RGS12: variants seen among roughly 807,000 people sequenced by gnomAD.
The protein encoded by RGS12 is regulator of G-protein signaling 12.
In RGS12, 66 loss-of-function variants were observed where a neutral mutation model predicts 120.1. The observed-to-expected ratio is 0.55, with a 90% CI of 0.45 to 0.67. RGS12 has a LOEUF of 0.67. RGS12 is among the 30% of genes least tolerant of loss of function. RGS12 has a pLI of 0.00. For synonymous variants in RGS12, 827 were observed against 804.7 expected, an observed-to-expected ratio of 1.03 and a Z score of -0.47; for missense variants, 1,859 against 1,957.7, an observed-to-expected ratio of 0.95 and a Z score of 0.95.
chr4:3,291,842 C>CCCGGCTCCCGGA (rs1246028167), upstream of RGS12, among the ~76,000 whole-genome samples: 4 of 152,224 alleles, frequency 2.6e-5, no homozygotes, highest in African/African-American at 9.7e-5. Flanking sequence ...CCTGTGGCTT[C>CCCGGCTCCCGGA]CCGGCTCCCG....
At chr4:3,338,721 T>A (rs546602520) in intron 2 of RGS12, among the ~76,000 whole-genome samples, 1 of 152,300 alleles carries the variant, frequency 6.6e-6, no homozygotes, top group Admixed American at 6.5e-5. Context: ...GAGGTGGAGA[T>A]GGTGCCCTGG....
chr4:3,357,462 G>T (rs780318099), intron 3 of RGS12, among the ~76,000 whole-genome samples: 3 of 151,974 alleles, frequency 2.0e-5, no homozygotes, highest in Non-Finnish European at 4.4e-5. Context: ...CCAATGTCTT[G>T]AAGAAAACCC....
At position 3,375,236 on chromosome 4, in the gene RGS12, G is replaced by A. The variant is rs151097020; in HGVS notation, c.1999-11180G>A. Among the ~76,000 whole-genome samples, 7 of 150,808 alleles carry A rather than the reference G, an allele frequency of 4.6e-5. No individual in the cohort carries two copies. In the East Asian group the frequency reaches 1.4e-3, roughly 29 times the overall value. ...AACGTTTCCCTGGGCGTGAACTCCAGCCTCATCTCCAGCCCTCATCTCCAG... is the reference window on the plus strand; with the variant it reads ...AACGTTTCCCTGGGCGTGAACTCCAACCTCATCTCCAGCCCTCATCTCCAG... On this transcript the variant is annotated intron_variant, in intron 3 of 17. Transcript: ENST00000336727.
In RGS12 at chr4:3,317,886, G is replaced by GC. The variant is rs1271616702; in HGVS notation, c.1721dup (p.Pro575SerfsTer49). ...GGTCCAGCATCAACTGCGGCACACT[G>GC]CCCCCTCCTATGAGCAAGATCCCCG... On this transcript the variant is annotated frameshift_variant, in exon 2 of 18. Transcript: ENST00000336727. LOFTEE classifies it high-confidence loss of function. 3.1e-6 allele frequency: 5 copies of GC among 1,613,766 alleles called. No homozygotes were observed. Among genetic ancestry groups the GC allele is most frequent in the Non-Finnish European group, 4.2e-6 (5 of 1,179,974 alleles).
chr4:3,409,069 T>G (rs1019664100), intron 4 of RGS12, among the ~76,000 whole-genome samples: 2 of 152,164 alleles, frequency 1.3e-5, no homozygotes, highest in African/African-American at 2.4e-5. Flanking sequence ...CTTGAGTGGG[T>G]CCTGGAGCCT....
intron 4 of RGS12, among the ~76,000 whole-genome samples, chr4:3,393,408 C>G (rs1246796198): frequency 1.3e-5 from 2 of 152,166 alleles, no homozygotes; most frequent in Admixed American, 6.5e-5. Flanking sequence ...TGGGCACTTT[C>G]CCTGCTAGGT....
In RGS12 at chr4:3,317,226, C is replaced by T. The variant is rs759207805; in HGVS notation, c.1056C>T (p.His352=). 1.9e-6 allele frequency: 3 copies of T among 1,614,206 alleles called. No homozygotes were observed. The highest frequency in any genetic ancestry group is 2.2e-5 in the East Asian group (1 of 44,878). ...CAGACTTGTTTAATCACAAGATCCACCAAGGCATTGCTCGGCGGTTTGGGT... is the reference window on the plus strand; with the variant it reads ...CAGACTTGTTTAATCACAAGATCCATCAAGGCATTGCTCGGCGGTTTGGGT... The part of the protein sequence containing the change: ...VDPDLFNHKI[H]QGIARRFGFE... The change falls in exon 2 of 18, where the codon CAC becomes CAT. Residue 352 remains histidine (H), a synonymous_variant. Coordinates refer to ENST00000336727, the MANE Select transcript of RGS12 (RefSeq NM_001394154.1).
chr4:3,368,767 T>G, intron 3 of RGS12, among the ~76,000 whole-genome samples: 1 of 135,676 alleles, frequency 7.4e-6, no homozygotes, highest in Non-Finnish European at 1.6e-5. Flanking sequence ...TGTGTGTGTG[T>G]GGTGGGGTGG....
intron 3 of RGS12, among the ~76,000 whole-genome samples, chr4:3,375,225 C>T (rs955222229): frequency 3.3e-5 from 5 of 152,084 alleles, no homozygotes; most frequent in African/African-American, 1.2e-4. Context: ...TTTCCCTGGG[C>T]GTGAACTCCA....
chr4:3,414,985 TTGCGTGTGAGG>T (rs1722198122), intron 6 of RGS12, 141 bp downstream of exon 6: 5 of 430,904 alleles, frequency 1.2e-5, no homozygotes, highest in Non-Finnish European at 2.0e-5. Flanking sequence ...GTGTGAGAGG[TTGCGTGTGAGG>T]GGCGTGTGAG....
chr4:3,432,292 C>T (rs1179105016), intron 17 of RGS12: 6 of 567,940 alleles, frequency 1.1e-5, no homozygotes, highest in South Asian at 1.5e-4. Context: ...GTGGATTTAC[C>T]GTAATCTACT....
intron 8 of RGS12, 120 bp downstream of exon 8, chr4:3,417,212 A>G (rs569955241): frequency 1.0e-5 from 14 of 1,338,298 alleles, no homozygotes; most frequent in Admixed American, 8.4e-5. Context: ...GTGACGCTCC[A>G]TGCTGGAAAG....
intron 3 of RGS12, among the ~76,000 whole-genome samples, chr4:3,363,000 TG>T (rs539627488): frequency 8.4e-4 from 128 of 151,656 alleles, no homozygotes; most frequent in Non-Finnish European, 1.5e-3. Flanking sequence ...TGTGTGAGAG[TG>T]TGCACGTCTG....
chr4:3,416,031 C>T lies in RGS12; in HGVS notation c.2337C>T (p.Thr779=), dbSNP rs1385898721. 3 of 1,613,912 alleles carry T rather than the reference C, an allele frequency of 1.9e-6. No individual in the cohort carries two copies. Among genetic ancestry groups the T allele is most frequent in the Non-Finnish European group, 1.7e-6 (2 of 1,179,964 alleles). Residue 779 remains threonine (T), a synonymous_variant, in exon 7 of 18, where the codon ACC becomes ACT. Coordinates refer to ENST00000336727, the MANE Select transcript of RGS12 (RefSeq NM_001394154.1). The part of the protein sequence containing the change: ...IFSKFLCSKA[T]TPVNIDSQAQ... ...GTAAGTTTCTCTGCAGCAAAGCCAC[C>T]ACCCCGGTCAACATCGACAGCCAGG... is the stretch of plus-strand genomic sequence containing the variant.
chr4:3,349,867 C>G (rs992687001), intron 3 of RGS12, among the ~76,000 whole-genome samples: 7 of 152,150 alleles, frequency 4.6e-5, no homozygotes, highest in Non-Finnish European at 8.8e-5. Context: ...AGTACTTTAT[C>G]TTATATGGAA....
Position 3,390,179 on chromosome 4 carries a change from C to T in RGS12, c.2020+3742C>T, listed in dbSNP as rs146133229. Among the ~76,000 whole-genome samples, 14 of 152,348 alleles carry T rather than the reference C, an allele frequency of 9.2e-5. No individual in the cohort carries two copies. In the East Asian group the frequency reaches 2.7e-3, roughly 29 times the overall value. ...CCCTGGTCTCCAATGGTGCCTCAGG[C>T]ACATGCGGTTTCCCTCTTCCCTTCC... On this transcript the variant is annotated intron_variant, in intron 4 of 17. Transcript: ENST00000336727. This position sits in a 1 kb window ranked among gnomAD's most constrained non-coding sequence, Gnocchi z 4.6.
rs150594324 is a variant in RGS12, at chr4:3,412,124, A to G, written c.2021-1948A>G. 4.6e-5 allele frequency among the ~76,000 whole-genome samples: 7 copies of G among 152,356 alleles called. No individual in the cohort carries two copies. In the East Asian group the frequency reaches 7.7e-4, roughly 17 times the overall value. ...TTAATTTTTTTCTATAGCAGTTTACATTATTTGATTATTCTTTAACATTTT... is the reference window on the plus strand; with the variant it reads ...TTAATTTTTTTCTATAGCAGTTTACGTTATTTGATTATTCTTTAACATTTT... On this transcript the variant is annotated intron_variant, in intron 4 of 17. Transcript: ENST00000336727.
intron 3 of RGS12, among the ~76,000 whole-genome samples, chr4:3,352,946 G>A (rs1181317314): frequency 6.6e-6 from 1 of 152,200 alleles, no homozygotes; most frequent in African/African-American, 2.4e-5. Flanking sequence ...AGAGTTGTGA[G>A]TTAAAATAAT....
chr4:3,314,051 T>A (rs1189694458), intron 1 of RGS12: 1 of 151,490 alleles, frequency 6.6e-6, no homozygotes, highest in Non-Finnish European at 1.5e-5. Flanking sequence ...ATTATTTTAT[T>A]TTTTAAATTC....
Sources: gnomAD v4.1 joint callset for allele counts (sites outside exome capture counted in the v4.1 genomes callset) on GRCh38, gnomAD v4.1.1 for gene constraint, Gnocchi (gnomAD v3.1) non-coding constraint, MANE v1.5 for transcripts, NCBI Gene and HGNC (gene_info 2026-07-23, HGNC 2026-07-21) for gene names.